Variants in ENOPH1 observed in about 807,000 individuals in gnomAD.
ENOPH1 encodes the protein enolase-phosphatase 1, also known as enolase-phosphatase E1.
Under a neutral mutation model 31.1 loss-of-function variants are expected in ENOPH1, and 14 were observed. The ratio of observed to expected loss-of-function variants is 0.45; its 90% confidence interval spans 0.30 to 0.70. The LOEUF is 0.70. Ranked by LOEUF, ENOPH1 falls within the 30% of genes least tolerant of loss-of-function variation. The pLI is 0.09. For missense variants in ENOPH1, 243 were observed against 321.5 expected, an observed-to-expected ratio of 0.76 and a Z score of 1.87; for synonymous variants, 127 against 123.2, an observed-to-expected ratio of 1.03 and a Z score of -0.21.
At chr4:82,431,831 A>C (rs925664343) in intron 1 of ENOPH1, among the ~76,000 whole-genome samples, 7 of 152,190 alleles carry the variant, frequency 4.6e-5, no homozygotes, top group African/African-American at 1.7e-4. Flanking sequence ...AGTAGGAAAA[A>C]TCCATCTTCC....
At chr4:82,442,673 C>A (rs544265803) in intron 1 of ENOPH1, among the ~76,000 whole-genome samples, 1 of 152,150 alleles carries the variant, frequency 6.6e-6, no homozygotes, top group South Asian at 2.1e-4. Context: ...CCAGAGAGAA[C>A]CTTTGTAAAC....
At chr4:82,452,624 T>C (rs1470512319) in intron 3 of ENOPH1, among the ~76,000 whole-genome samples, 1 of 152,104 alleles carries the variant, frequency 6.6e-6, no homozygotes, top group African/African-American at 2.4e-5. Context: ...TCTCACTCTG[T>C]TGTCCAGGAT....
chr4:82,459,702 G>C (rs1266805612), intron 5 of ENOPH1, among the ~76,000 whole-genome samples: 1 of 152,136 alleles, frequency 6.6e-6, no homozygotes, highest in African/African-American at 2.4e-5. Context: ...GCATTCATAA[G>C]TACTTAATAA....
rs34033543 is a variant in ENOPH1 at position 82,444,225 on chromosome 4, C to CTT, written c.85-3682_85-3681dup. On this transcript the variant is annotated intron_variant, in intron 1 of 5. Coordinates refer to ENST00000273920, the MANE Select transcript of ENOPH1 (RefSeq NM_021204.5). ...ATGTAGCTGTACTCTCAGCACTATT[C>CTT]TTTTTTTTTTTTTTGAGACGGAGTC... Among the ~76,000 whole-genome samples the CTT allele has an allele frequency of 4.1e-3, 584 of 143,590 alleles. 2 individuals carry two copies. The highest frequency in any genetic ancestry group is 6.6e-3 in the South Asian group (30 of 4,534). 94.2% of individuals were successfully genotyped at this position (143,590 alleles called of 152,430 possible).
chr4:82,431,005 GT>G, intron 1 of ENOPH1, 92 bp downstream of exon 1: 2 of 1,141,528 alleles, frequency 1.8e-6, no homozygotes, highest in Non-Finnish European at 2.5e-6. Flanking sequence ...GGAGACGAGG[GT>G]TAGGAGAGGC....
intron 1 of ENOPH1, among the ~76,000 whole-genome samples, chr4:82,437,426 A>G (rs902642045): frequency 6.6e-6 from 1 of 152,210 alleles, no homozygotes; most frequent in African/African-American, 2.4e-5. Context: ...CCCTCTCTTT[A>G]CACTTTACAT....
intron 1 of ENOPH1, among the ~76,000 whole-genome samples, chr4:82,431,526 A>G (rs1313269891): frequency 6.6e-6 from 1 of 152,158 alleles, no homozygotes; most frequent in Non-Finnish European, 1.5e-5. Context: ...GATTCCGTTC[A>G]CTTTCCTCAG....
intron 1 of ENOPH1, among the ~76,000 whole-genome samples, 184 bp downstream of exon 1, chr4:82,431,097 A>ACT (rs1342589184): frequency 6.6e-6 from 1 of 152,202 alleles, no homozygotes; most frequent in Non-Finnish European, 1.5e-5. Context: ...TCCTCGCGAC[A>ACT]CTAGCTTCTC....
chr4:82,450,558 T>C (rs1210189388), intron 2 of ENOPH1, among the ~76,000 whole-genome samples: 1 of 152,216 alleles, frequency 6.6e-6, no homozygotes, highest in Non-Finnish European at 1.5e-5. Context: ...AAGTGGCTAC[T>C]AGGATTTTTG....
chr4:82,438,848 C>G (rs1198387137), intron 1 of ENOPH1, among the ~76,000 whole-genome samples: 2 of 152,086 alleles, frequency 1.3e-5, no homozygotes, highest in Non-Finnish European at 1.5e-5. Context: ...TGCAGCTTAC[C>G]CTGTGTTACC....
At chr4:82,434,480 G>A (rs931719951) in intron 1 of ENOPH1, among the ~76,000 whole-genome samples, 15 of 152,094 alleles carry the variant, frequency 9.9e-5, no homozygotes, top group African/African-American at 3.6e-4. Flanking sequence ...TTGGGAGGCC[G>A]AGACAGGTGG....
At chr4:82,445,100 C>T (rs1204008489) in intron 1 of ENOPH1, among the ~76,000 whole-genome samples, 1 of 152,036 alleles carries the variant, frequency 6.6e-6, no homozygotes, top group Non-Finnish European at 1.5e-5. Context: ...AGGTGGTGCA[C>T]ACCTGTAATC....
intron 3 of ENOPH1, among the ~76,000 whole-genome samples, chr4:82,453,081 T>C (rs1161111609): frequency 6.6e-6 from 1 of 151,840 alleles, no homozygotes; most frequent in Non-Finnish European, 1.5e-5. Flanking sequence ...TTTTGTATTT[T>C]TAGTAGAGAC....
At chr4:82,435,774 G>A (rs1476857821) in intron 1 of ENOPH1, among the ~76,000 whole-genome samples, 1 of 152,176 alleles carries the variant, frequency 6.6e-6, no homozygotes, top group African/African-American at 2.4e-5. Flanking sequence ...CACACTGGAA[G>A]CATTCTTCTA....
intron 5 of ENOPH1, 28 bp downstream of exon 5, chr4:82,457,066 A>G (rs772260358): frequency 1.2e-6 from 2 of 1,606,252 alleles, no homozygotes; most frequent in South Asian, 1.1e-5. Context: ...TATATTATAT[A>G]CTCCAGGATA....
At chr4:82,439,862 T>G (rs867172157) in intron 1 of ENOPH1, among the ~76,000 whole-genome samples, 2 of 152,152 alleles carry the variant, frequency 1.3e-5, no homozygotes, top group African/African-American at 2.4e-5. Context: ...CAAAGATGAC[T>G]CTAAGGTTTT....
chr4:82,436,002 G>A (rs1721895793), intron 1 of ENOPH1, among the ~76,000 whole-genome samples: 1 of 152,182 alleles, frequency 6.6e-6, no homozygotes, highest in Non-Finnish European at 1.5e-5. Context: ...GGAAGTGTCA[G>A]ACTGGAGGAA....
At chr4:82,435,225 C>T (rs1167732079) in intron 1 of ENOPH1, among the ~76,000 whole-genome samples, 1 of 152,148 alleles carries the variant, frequency 6.6e-6, no homozygotes, top group East Asian at 1.9e-4. Flanking sequence ...CCTCAGTCTC[C>T]TGAGTAGCTG....
intron 1 of ENOPH1, among the ~76,000 whole-genome samples, chr4:82,447,238 G>A (rs931737915): frequency 1.3e-5 from 2 of 152,088 alleles, no homozygotes; most frequent in African/African-American, 2.4e-5. Flanking sequence ...TGCCTGCCTC[G>A]GCCTCCCAAA....
Sources: gnomAD v4.1 joint callset for allele counts (sites outside exome capture counted in the v4.1 genomes callset) on GRCh38, gnomAD v4.1.1 for gene constraint, MANE v1.5 for transcripts, NCBI Gene and HGNC (gene_info 2026-07-23, HGNC 2026-07-21) for gene names.